GRK3: variants seen among roughly 807,000 people sequenced by gnomAD.
The protein encoded by GRK3 is G protein-coupled receptor kinase 3.
In GRK3, 54 loss-of-function variants were observed where a neutral mutation model predicts 95.7. That is an observed-to-expected ratio of 0.56 (90% confidence interval 0.45 to 0.71). The LOEUF is 0.71. Among genes scored for constraint, GRK3 ranks in the 30% least tolerant of loss-of-function variants. The probability of loss-of-function intolerance (pLI) is 0.00; values close to 1 mark genes in which losing one functional copy is unlikely to be tolerated. For synonymous variants in GRK3, 281 were observed against 290.8 expected (o/e 0.97, Z 0.34); for missense variants, 649 against 851.2 (o/e 0.76, Z 2.96).
chr22:25,574,931 T>G (rs796254935), intron 1 of GRK3, among the ~76,000 whole-genome samples: 7 of 152,344 alleles, frequency 4.6e-5, no homozygotes, highest in African/African-American at 1.7e-4. Flanking sequence ...GAGAAAAGCT[T>G]GTTTTTTATG....
intron 3 of GRK3, 88 bp from the exon 4 acceptor site, chr22:25,661,488 G>A: frequency 1.4e-6 from 1 of 719,914 alleles, no homozygotes. Context: ...TCATGTGCAA[G>A]TGGTTTCTGC....
At position 25,678,816 on chromosome 22, in the gene GRK3, G is replaced by T; in HGVS notation, c.648G>T (p.Met216Ile). The T allele has an allele frequency of 6.5e-7, 1 of 1,544,670 alleles. No homozygotes were observed. The highest frequency in any genetic ancestry group is 8.9e-7 in the Non-Finnish European group (1 of 1,126,086). Residue 216 changes from methionine (M) to isoleucine (I), a missense_variant and splice_region_variant, in exon 9 of 21, where the codon ATG becomes ATT. Physicochemically the swap from Met to Ile is conservative, Grantham distance 10. This residue lies in a region of GRK3 where 61 missense variants were observed against 126.0 expected (regional missense o/e 0.48). Transcript: ENST00000324198. Reference protein sequence around the residue: ...YGCRKADTGKMYAMKCLDKKR... With the variant: ...YGCRKADTGKIYAMKCLDKKR... ...TTTTTCAATAAATTTATGTTTCTAG[G>T]TATGCAATGAAATGCTTAGATAAGA...
At chr22:25,642,167 T>C (rs1161533979) in intron 2 of GRK3, among the ~76,000 whole-genome samples, 1 of 152,348 alleles carries the variant, frequency 6.6e-6, no homozygotes, top group South Asian at 2.1e-4. Flanking sequence ...GCGCGGTGGC[T>C]CACGCCTGTA....
chr22:25,620,001 CTT>C (rs34132299), intron 2 of GRK3, among the ~76,000 whole-genome samples: 3,875 of 105,768 alleles, frequency 0.037, 203 homozygotes, highest in Admixed American at 0.1. Context: ...TTTCCTTTGT[CTT>C]TTTTGTGTGT....
At chr22:25,658,831 A>T (rs924339378) in intron 3 of GRK3, among the ~76,000 whole-genome samples, 6 of 152,020 alleles carry the variant, frequency 3.9e-5, no homozygotes, top group Admixed American at 6.6e-5. Flanking sequence ...AACTGGGAGG[A>T]TGATTTTACT....
At chr22:25,652,944 G>A (rs935474050) in intron 3 of GRK3, among the ~76,000 whole-genome samples, 1 of 152,114 alleles carries the variant, frequency 6.6e-6, no homozygotes, top group South Asian at 2.1e-4. Context: ...CGGCGTAGGG[G>A]TGTAGTAGGT....
chr22:25,699,557 G>A (rs1166408908), intron 13 of GRK3, among the ~76,000 whole-genome samples: 1 of 152,144 alleles, frequency 6.6e-6, no homozygotes. Flanking sequence ...GAATCCTTTA[G>A]CCCTAAATGT....
At position 25,714,701 on chromosome 22, in the gene GRK3, A is replaced by G. The variant is rs184155617; in HGVS notation, c.1654+131A>G. On this transcript the variant is annotated intron_variant, in intron 18 of 20. Transcript: ENST00000324198. The stretch of plus-strand genomic sequence containing the variant: ...AGAAAGCAATGCCATAAATCGCTTT[A>G]GTTTGCTCTGGCTTGGAAGAGCTCA... 1,559 of 840,550 alleles carry G rather than the reference A, an allele frequency of 1.9e-3. 4 individuals are homozygous for G. Among genetic ancestry groups the G allele is most frequent in the Non-Finnish European group, 1.9e-3 (1,061 of 554,122 alleles). 52.1% of individuals were successfully genotyped at this position (840,550 alleles called of 1,614,324 possible). A position where few individuals can be genotyped will look rare whatever the true frequency, so the allele number is the denominator to read the frequency against.
intron 2 of GRK3, among the ~76,000 whole-genome samples, chr22:25,611,218 T>G (rs2084494920): frequency 6.6e-6 from 1 of 152,214 alleles, no homozygotes; most frequent in Admixed American, 6.5e-5. Context: ...ATTTCCACTT[T>G]TTGCCTGTTT....
At position 25,722,324 on chromosome 22, in the gene GRK3, G is replaced by A. The variant is rs770599061; in HGVS notation, c.1941G>A (p.Leu647=). 6.2e-7 allele frequency: 1 copy of A among 1,614,206 alleles called. No individual in the cohort carries two copies. The highest frequency in any genetic ancestry group is 8.5e-7 in the Non-Finnish European group (1 of 1,180,040). The change falls in exon 21 of 21, where the codon TTG becomes TTA. Residue 647 remains leucine (L), a synonymous_variant. Transcript: ENST00000324198. ...AGTTTGTGCAGTGGAAGAAAGAGTT[G>A]AACGAAACCTTCAAGGAGGCCCAGC... ...DPEFVQWKKE[L]NETFKEAQRL...
intron 19 of GRK3, among the ~76,000 whole-genome samples, chr22:25,719,679 C>T (rs1465995929): frequency 8.1e-6 from 1 of 123,934 alleles, no homozygotes; most frequent in African/African-American, 3.3e-5. Context: ...TGGAAGGCAT[C>T]TTTTCTTTTC....
intron 12 of GRK3, among the ~76,000 whole-genome samples, chr22:25,694,296 G>A (rs2085189232): frequency 6.6e-6 from 1 of 152,190 alleles, no homozygotes; most frequent in Non-Finnish European, 1.5e-5. Flanking sequence ...CCAGAGCCCT[G>A]TCAGGCTGCA....
intron 1 of GRK3, among the ~76,000 whole-genome samples, chr22:25,593,376 C>CT (rs971142741): frequency 1.1e-4 from 17 of 151,426 alleles, no homozygotes; most frequent in Admixed American, 2.0e-4. Context: ...TTCTTTCTTT[C>CT]TTTTTTTAAA....
Position 25,695,122 on chromosome 22 carries a change from C to T in GRK3, c.1068C>T (p.Tyr356=). 1.2e-6 allele frequency: 2 copies of T among 1,613,900 alleles called. 1 individual carries two copies. The highest frequency in any genetic ancestry group is 3.3e-4 in the Middle Eastern group (2 of 6,062). ...KPHASVGTHG[Y]MAPEVLQKGT... is the part of the protein sequence containing the mutation. Reference sequence around the variant, plus strand: ...TTCTCCCTAGTGGCACCCATGGGTACATGGCTCCCGAGGTGCTGCAGAAGG... The same window carrying T: ...TTCTCCCTAGTGGCACCCATGGGTATATGGCTCCCGAGGTGCTGCAGAAGG... Residue 356 remains tyrosine (Y), a synonymous_variant, in exon 13 of 21, where the codon TAC becomes TAT. Transcript: ENST00000324198.
intron 8 of GRK3, 119 bp downstream of exon 8, chr22:25,674,647 C>A: frequency 1.3e-6 from 1 of 782,880 alleles, no homozygotes; most frequent in Non-Finnish European, 2.1e-6. Context: ...AGTACTTTAC[C>A]TCCAAAAGAA....
At chr22:25,573,496 C>G (rs1931778909) in intron 1 of GRK3, among the ~76,000 whole-genome samples, 1 of 152,150 alleles carries the variant, frequency 6.6e-6, no homozygotes, top group Non-Finnish European at 1.5e-5. Context: ...CCATTGCTGA[C>G]TGCTAAGTAG....
At chr22:25,699,987 C>T (rs932882202) in intron 13 of GRK3, among the ~76,000 whole-genome samples, 3 of 152,180 alleles carry the variant, frequency 2.0e-5, no homozygotes, top group African/African-American at 4.8e-5. Flanking sequence ...CGTGAGCCCC[C>T]GCGCCCGGCC....
intron 1 of GRK3, among the ~76,000 whole-genome samples, chr22:25,591,460 G>C (rs1220195278): frequency 6.6e-6 from 1 of 152,074 alleles, no homozygotes; most frequent in Non-Finnish European, 1.5e-5. Flanking sequence ...CTGAGGTCAG[G>C]GGATAAGGGT....
At chr22:25,692,955 C>T (rs778742319) in intron 12 of GRK3, among the ~76,000 whole-genome samples, 1 of 152,214 alleles carries the variant, frequency 6.6e-6, no homozygotes, top group East Asian at 1.9e-4. Context: ...TAGATTTCTT[C>T]CAGCGGCTGG....
Sources: allele counts gnomAD v4.1 joint callset (sites outside exome capture counted in the v4.1 genomes callset), GRCh38; gene constraint gnomAD v4.1.1; regional missense constraint gnomAD v4.1.1; transcripts MANE v1.5; gene names NCBI Gene and HGNC (gene_info 2026-07-23, HGNC 2026-07-21).